Variants in POU6F2 observed in about 807,000 individuals in gnomAD.
POU6F2 encodes the protein POU domain, class 6, transcription factor 2.
POU6F2 carries 31 observed loss-of-function variants against 71.3 expected under a neutral mutation model. The observed-to-expected ratio is 0.43, with a 90% CI of 0.33 to 0.59. The LOEUF is 0.59. Among genes scored for constraint, POU6F2 ranks in the 20% least tolerant of loss-of-function variants. The probability of loss-of-function intolerance (pLI) is 0.04; values close to 1 mark genes in which losing one functional copy is unlikely to be tolerated. For missense variants in POU6F2, 783 were observed against 856.8 expected (o/e 0.91, Z 1.07); for synonymous variants, 347 against 355.7 (o/e 0.98, Z 0.27).
intron 4 of POU6F2, among the ~76,000 whole-genome samples, chr7:39,236,705 C>T (rs909568839): frequency 1.3e-5 from 2 of 152,030 alleles, no homozygotes; most frequent in African/African-American, 2.4e-5. Flanking sequence ...TATCATACAT[C>T]GTTTTAGACA....
At chr7:39,132,802 C>T (rs901409313) in intron 2 of POU6F2, 4 of 152,188 alleles carry the variant, frequency 2.6e-5, no homozygotes, top group Admixed American at 1.3e-4. Flanking sequence ...TATTTTGCTC[C>T]GCCTACTTAA....
intron 6 of POU6F2, among the ~76,000 whole-genome samples, chr7:39,432,235 A>C (rs532057028): frequency 6.6e-6 from 1 of 152,258 alleles, no homozygotes; most frequent in South Asian, 2.1e-4. Context: ...TTGAAGCCAG[A>C]AGCCACTGGA....
At chr7:39,105,540 A>T (rs750157834) in intron 2 of POU6F2, among the ~76,000 whole-genome samples, 4 of 152,096 alleles carry the variant, frequency 2.6e-5, no homozygotes, top group Non-Finnish European at 5.9e-5. Flanking sequence ...ATCTATCAAG[A>T]AGTCTCAGCA....
At chr7:39,073,338 A>G (rs6971923) in intron 1 of POU6F2, among the ~76,000 whole-genome samples, 124,715 of 150,164 alleles carry the variant, frequency 0.83, 52,061 homozygotes, top group East Asian at 1. Flanking sequence ...TTTTAATAGG[A>G]GCTAATACAG....
chr7:39,267,022 T>C (rs1028434479), intron 4 of POU6F2, among the ~76,000 whole-genome samples: 4 of 152,184 alleles, frequency 2.6e-5, no homozygotes, highest in South Asian at 4.1e-4. Context: ...GAAGATTCTA[T>C]ATTTTGTAAA....
chr7:39,200,209 C>T (rs990895433), intron 2 of POU6F2, among the ~76,000 whole-genome samples: 1 of 152,160 alleles, frequency 6.6e-6, no homozygotes, highest in Non-Finnish European at 1.5e-5. Context: ...TCAGCCTTGC[C>T]TGGGTAACGT....
At chr7:39,128,746 A>T (rs1038865175) in intron 2 of POU6F2, among the ~76,000 whole-genome samples, 5 of 152,230 alleles carry the variant, frequency 3.3e-5, no homozygotes, top group African/African-American at 1.2e-4. Context: ...TATGATCGCC[A>T]TGTGTTCTCA....
At chr7:39,158,349 A>G (rs150439365) in intron 2 of POU6F2, among the ~76,000 whole-genome samples, 2 of 152,328 alleles carry the variant, frequency 1.3e-5, no homozygotes, top group South Asian at 2.1e-4. Context: ...ATTTCTAGAC[A>G]TGATTGGGAA....
intron 2 of POU6F2, among the ~76,000 whole-genome samples, chr7:39,129,261 C>T (rs1162094055): frequency 6.6e-6 from 1 of 152,142 alleles, no homozygotes; most frequent in African/African-American, 2.4e-5. Context: ...GTTCAAGTCC[C>T]AAGCTTCATA....
intron 4 of POU6F2, among the ~76,000 whole-genome samples, chr7:39,320,421 A>G (rs1193734745): frequency 6.6e-6 from 1 of 152,136 alleles, no homozygotes; most frequent in Admixed American, 6.5e-5. Flanking sequence ...TCCCTGAGAA[A>G]TTATGTTAAA....
intron 1 of POU6F2, among the ~76,000 whole-genome samples, chr7:39,072,904 A>T (rs1247810355): frequency 6.6e-6 from 1 of 152,240 alleles, no homozygotes; most frequent in Non-Finnish European, 1.5e-5. Flanking sequence ...TAATCTACAT[A>T]CATAGAACAC....
chr7:39,432,998 A>G lies in POU6F2; in HGVS notation c.1114-79A>G, dbSNP rs1788143622. 8 of 1,440,726 alleles carry G rather than the reference A, an allele frequency of 5.6e-6. No individual in the cohort carries two copies. In the South Asian group the frequency reaches 9.9e-5, roughly 18 times the overall value. 89.2% of individuals were successfully genotyped at this position (1,440,726 alleles called of 1,614,324 possible). On this transcript the variant is annotated intron_variant, in intron 6 of 9. Coordinates refer to ENST00000518318, the MANE Select transcript of POU6F2 (RefSeq NM_001370959.1). Reference sequence around the variant, plus strand: ...GGCTCCCAGGGAGCATCCTAGAGAGACCAGGCACTGCATGGTCTTCAGTTG... The same window carrying G: ...GGCTCCCAGGGAGCATCCTAGAGAGGCCAGGCACTGCATGGTCTTCAGTTG...
At chr7:39,006,679 A>G (rs539715846) in intron 1 of POU6F2, 22 of 661,126 alleles carry the variant, frequency 3.3e-5, no homozygotes, top group African/African-American at 3.2e-4. Context: ...CAAGTCCTGT[A>G]AAAAGCATGT....
chr7:39,017,456 G>A (rs935984674), intron 1 of POU6F2, among the ~76,000 whole-genome samples: 1 of 152,008 alleles, frequency 6.6e-6, no homozygotes, highest in Non-Finnish European at 1.5e-5. Context: ...GTTCTCCTTT[G>A]TTTGCCCATG....
At chr7:39,227,053 T>C (rs1794473773) in intron 4 of POU6F2, among the ~76,000 whole-genome samples, 1 of 152,242 alleles carries the variant, frequency 6.6e-6, no homozygotes, top group Non-Finnish European at 1.5e-5. Context: ...TGTGAAATTA[T>C]TTGCCTTCGA....
At chr7:39,315,157 T>A (rs551446188) in intron 4 of POU6F2, among the ~76,000 whole-genome samples, 21 of 152,326 alleles carry the variant, frequency 1.4e-4, no homozygotes, top group African/African-American at 4.8e-4. Flanking sequence ...TGTACAGCTA[T>A]GTATAGGTTA....
intron 4 of POU6F2, among the ~76,000 whole-genome samples, chr7:39,248,843 C>A (rs1461400644): frequency 6.6e-6 from 1 of 152,196 alleles, no homozygotes; most frequent in East Asian, 1.9e-4. Context: ...CCTATCCCCA[C>A]TGAGCCGACT....
intron 1 of POU6F2, among the ~76,000 whole-genome samples, chr7:39,016,162 ATAT>A (rs71558147): frequency 0.31 from 39,404 of 126,340 alleles, 6,911 homozygotes; most frequent in East Asian, 0.69. Context: ...TATAGATATA[ATAT>A]TATGTATAGA....
chr7:39,392,549 A>T (rs934274537), intron 5 of POU6F2, among the ~76,000 whole-genome samples: 2 of 152,236 alleles, frequency 1.3e-5, no homozygotes, highest in African/African-American at 4.8e-5. Context: ...TTGGAGCAAC[A>T]CAAGGGATGA....
Sources: allele counts gnomAD v4.1 joint callset (sites outside exome capture counted in the v4.1 genomes callset), GRCh38; gene constraint gnomAD v4.1.1; transcripts MANE v1.5; gene names NCBI Gene and HGNC (gene_info 2026-07-23, HGNC 2026-07-21).